ARHGAP24: variants seen among roughly 807,000 people sequenced by gnomAD.
The protein encoded by ARHGAP24 is Rho GTPase activating protein 24.
In ARHGAP24, 50 loss-of-function variants were observed where a neutral mutation model predicts 76.4. The observed-to-expected ratio is 0.65, with a 90% confidence interval of 0.52 to 0.83. The LOEUF is 0.83. ARHGAP24 is among the 40% of genes least tolerant of loss of function. ARHGAP24 has a pLI of 0.00. For synonymous variants in ARHGAP24, 345 were observed against 323.3 expected (o/e 1.07, Z -0.72); for missense variants, 930 against 914.2 (o/e 1.02, Z -0.22).
chr4:85,639,703 TAAAAAAA>T (rs3028175), intron 2 of ARHGAP24, among the ~76,000 whole-genome samples: 1 of 146,846 alleles, frequency 6.8e-6, no homozygotes, highest in African/African-American at 2.5e-5. Flanking sequence ...GAATAATTGG[TAAAAAAA>T]AAAAAAGGAG....
At chr4:85,585,314 T>C (rs1379699532) in intron 2 of ARHGAP24, among the ~76,000 whole-genome samples, 1 of 152,208 alleles carries the variant, frequency 6.6e-6, no homozygotes, top group Non-Finnish European at 1.5e-5. Context: ...TTATGGTACA[T>C]AAAATGGAAA....
intron 2 of ARHGAP24, among the ~76,000 whole-genome samples, chr4:85,687,630 A>G (rs902059718): frequency 7.2e-5 from 11 of 152,296 alleles, no homozygotes; most frequent in African/African-American, 2.6e-4. Context: ...TGTGTTGTAT[A>G]TATACCATAT....
intron 3 of ARHGAP24, among the ~76,000 whole-genome samples, chr4:85,855,161 A>G (rs926101626): frequency 6.6e-6 from 1 of 152,190 alleles, no homozygotes; most frequent in African/African-American, 2.4e-5. Flanking sequence ...TAACCCTGTG[A>G]GTTGGTATTA....
chr4:85,692,920 G>C (rs895359480), intron 2 of ARHGAP24, among the ~76,000 whole-genome samples: 5 of 152,114 alleles, frequency 3.3e-5, no homozygotes, highest in Non-Finnish European at 5.9e-5. Context: ...TTCTCACCTG[G>C]GAGGGTTAGT....
chr4:85,965,880 C>A (rs2148846224), intron 5 of ARHGAP24, among the ~76,000 whole-genome samples: 1 of 152,262 alleles, frequency 6.6e-6, no homozygotes, highest in East Asian at 1.9e-4. Context: ...CATTTCATTA[C>A]CTGGTACTCT....
In ARHGAP24 at chr4:85,516,689, A is replaced by G. The variant is rs1443167994; in HGVS notation, c.-21+41130A>G. Among the ~76,000 whole-genome samples, 3 of 19,740 alleles carry G rather than the reference A, an allele frequency of 1.5e-4. No homozygotes were observed. In the Non-Finnish European group the frequency reaches 3.7e-3, roughly 25 times the overall value. 13.0% of individuals were successfully genotyped at this position (19,740 alleles called of 152,430 possible). A position where few individuals can be genotyped will look rare whatever the true frequency, so the allele number is the denominator to read the frequency against. The stretch of plus-strand genomic sequence containing the variant: ...GCTTTTATCTATTAAAGTTTTAAAG[A>G]TTTAGTCTTATGTTTGGGATACATG... On this transcript the variant is annotated intron_variant, in intron 1 of 9. Coordinates refer to ENST00000395184, the MANE Select transcript of ARHGAP24 (RefSeq NM_001025616.3).
intron 3 of ARHGAP24, among the ~76,000 whole-genome samples, chr4:85,746,436 C>T (rs180699147): frequency 1.3e-4 from 20 of 152,148 alleles, no homozygotes; most frequent in African/African-American, 3.1e-4. Context: ...CTCCAAAATA[C>T]TTAATTTCAA....
chr4:85,511,433 C>A (rs1724277992), intron 1 of ARHGAP24, among the ~76,000 whole-genome samples: 1 of 151,558 alleles, frequency 6.6e-6, no homozygotes, highest in Admixed American at 6.6e-5. Flanking sequence ...AATTCACTGT[C>A]TTTATTTTAT....
At chr4:85,647,025 A>G (rs1287600451) in intron 2 of ARHGAP24, among the ~76,000 whole-genome samples, 1 of 152,150 alleles carries the variant, frequency 6.6e-6, no homozygotes, top group Non-Finnish European at 1.5e-5. Flanking sequence ...TAAGGATAGT[A>G]GAGATTAATT....
chr4:85,981,503 T>G (rs2148860247), intron 8 of ARHGAP24, among the ~76,000 whole-genome samples: 2 of 152,262 alleles, frequency 1.3e-5, no homozygotes, highest in South Asian at 4.2e-4. Context: ...CCAAATGACA[T>G]GTTGTCACAA....
Position 85,744,651 on chromosome 4 carries a change from G to A in ARHGAP24, c.268+22679G>A, listed in dbSNP as rs77754770. Among the ~76,000 whole-genome samples, 442 of 152,214 alleles carry A rather than the reference G, an allele frequency of 2.9e-3. 4 individuals are homozygous for A. Among genetic ancestry groups the A allele is most frequent in the African/African-American group, 0.01 (428 of 41,526 alleles). ...AAACCCTCCATCCTCCACCCTCCAC[G>A]CGTTAGAGGCAAACCAAGAAGTTAC... is the stretch of plus-strand genomic sequence containing the variant. On this transcript the variant is annotated intron_variant, in intron 3 of 9. Transcript: ENST00000395184.
At chr4:85,891,215 G>A (rs1319928267) in intron 3 of ARHGAP24, among the ~76,000 whole-genome samples, 1 of 152,130 alleles carries the variant, frequency 6.6e-6, no homozygotes, top group African/African-American at 2.4e-5. Flanking sequence ...CAAGATTTCA[G>A]GAAGGCTTTG....
chr4:85,669,022 T>TTG (rs1034861839), intron 2 of ARHGAP24, among the ~76,000 whole-genome samples: 11 of 152,022 alleles, frequency 7.2e-5, no homozygotes, highest in Middle Eastern at 3.4e-3. Flanking sequence ...TTATGTGCCT[T>TTG]TGTGTGTGTG....
chr4:85,781,758 G>T (rs1012679602), intron 3 of ARHGAP24, among the ~76,000 whole-genome samples: 2 of 152,054 alleles, frequency 1.3e-5, no homozygotes, highest in Non-Finnish European at 2.9e-5. Flanking sequence ...TCTAGGCCAG[G>T]CATGGTGATT....
chr4:85,904,660 A>C (rs1734677679), intron 3 of ARHGAP24, among the ~76,000 whole-genome samples: 1 of 152,258 alleles, frequency 6.6e-6, no homozygotes, highest in South Asian at 2.1e-4. Flanking sequence ...CTGTGAATGA[A>C]ATATTGGTAT....
At chr4:85,888,372 C>A (rs1034227304) in intron 3 of ARHGAP24, among the ~76,000 whole-genome samples, 4 of 144,660 alleles carry the variant, frequency 2.8e-5, no homozygotes, top group Non-Finnish European at 4.5e-5. Flanking sequence ...TGCACTCCAG[C>A]CTGGGCAACA....
chr4:85,795,543 A>T (rs1002102553), intron 3 of ARHGAP24, among the ~76,000 whole-genome samples: 1 of 152,180 alleles, frequency 6.6e-6, no homozygotes, highest in Non-Finnish European at 1.5e-5. Flanking sequence ...CTCATATCCA[A>T]ATTATGGGGG....
intron 3 of ARHGAP24, among the ~76,000 whole-genome samples, chr4:85,769,610 GT>G (rs1186573475): frequency 1.3e-5 from 2 of 150,820 alleles, no homozygotes; most frequent in Non-Finnish European, 3.0e-5. Context: ...GTTAGTAGTG[GT>G]TAATCCTTTT....
chr4:85,694,917 C>T (rs1251049452), intron 2 of ARHGAP24, among the ~76,000 whole-genome samples: 1 of 152,162 alleles, frequency 6.6e-6, no homozygotes, highest in South Asian at 2.1e-4. Context: ...CATGCCATAC[C>T]TGAGTTATCA....
Sources: gnomAD v4.1 joint callset for allele counts (sites outside exome capture counted in the v4.1 genomes callset) on GRCh38, gnomAD v4.1.1 for gene constraint, MANE v1.5 for transcripts, NCBI Gene and HGNC (gene_info 2026-07-23, HGNC 2026-07-21) for gene names.